PCDH9: variants seen among roughly 807,000 people sequenced by gnomAD.
PCDH9 encodes the protein protocadherin-9.
Under a neutral mutation model 70.6 loss-of-function variants are expected in PCDH9, and 24 were observed. That is an observed-to-expected ratio of 0.34 (90% CI 0.25 to 0.48). The LOEUF (loss-of-function observed/expected upper bound fraction) is 0.48, where lower values mean the gene tolerates loss of function less well. Ranked by LOEUF, PCDH9 falls within the 20% of genes least tolerant of loss-of-function variation. PCDH9 has a pLI of 0.99. For synonymous variants in PCDH9, 562 were observed against 558.5 expected, an observed-to-expected ratio of 1.01 and a Z score of -0.09; for missense variants, 1,281 against 1,503.6, an observed-to-expected ratio of 0.85 and a Z score of 2.45.
At chr13:66,312,185 G>T (rs1342184166) in intron 4 of PCDH9, among the ~76,000 whole-genome samples, 2 of 152,064 alleles carry the variant, frequency 1.3e-5, no homozygotes. Context: ...AAATTGAGAG[G>T]ATAAAAAGGC....
intron 4 of PCDH9, among the ~76,000 whole-genome samples, chr13:66,536,132 C>T (rs1190101930): frequency 5.3e-5 from 8 of 151,978 alleles, no homozygotes; most frequent in Non-Finnish European, 8.8e-5. Context: ...ATTAATATCT[C>T]AATTGATTAT....
intron 4 of PCDH9, among the ~76,000 whole-genome samples, chr13:66,508,261 G>A (rs975481210): frequency 1.3e-5 from 2 of 152,148 alleles, no homozygotes; most frequent in African/African-American, 2.4e-5. Flanking sequence ...TAGGGGAGGA[G>A]GGAATGGGGA....
rs181377077 is a variant in PCDH9, at chr13:66,305,066, T to A, written c.3341-38A>T. 455 of 1,525,002 alleles carry A rather than the reference T, an allele frequency of 3.0e-4. 1 individual carries two copies. Among genetic ancestry groups the A allele is most frequent in the Middle Eastern group, 1.5e-3 (7 of 4,566 alleles). The allele number at this position is 1,525,002 out of a possible 1,614,324, so 94.5% of individuals were successfully genotyped here. A position where few individuals can be genotyped will look rare whatever the true frequency, so the allele number is the denominator to read the frequency against. On this transcript the variant is annotated intron_variant, in intron 4 of 4. Coordinates refer to ENST00000377865, the MANE Select transcript of PCDH9 (RefSeq NM_203487.3). ...AGAGAGAGAAAATAAGAAAAGGAAG[T>A]GGTTAAAATTTTCAATTAGAATTAT...
intron 3 of PCDH9, among the ~76,000 whole-genome samples, chr13:66,829,008 CTTT>C (rs565296411): frequency 1.3e-5 from 2 of 151,662 alleles, no homozygotes; most frequent in African/African-American, 4.8e-5. Flanking sequence ...TTCTGTGGGT[CTTT>C]TTTTGTTTTT....
At chr13:66,507,897 A>G (rs1183010411) in intron 4 of PCDH9, among the ~76,000 whole-genome samples, 1 of 151,746 alleles carries the variant, frequency 6.6e-6, no homozygotes, top group Non-Finnish European at 1.5e-5. Context: ...AATTTTTTGT[A>G]TTTTTAGTAG....
chr13:66,973,757 C>T (rs2083565858), intron 2 of PCDH9, among the ~76,000 whole-genome samples: 3 of 151,920 alleles, frequency 2.0e-5, no homozygotes, highest in South Asian at 4.1e-4. Context: ...TTTTGTATTA[C>T]TTCTTATTGG....
At chr13:66,507,711 T>C (rs926698696) in intron 4 of PCDH9, among the ~76,000 whole-genome samples, 55 of 149,064 alleles carry the variant, frequency 3.7e-4, no homozygotes, top group African/African-American at 1.2e-3. Flanking sequence ...TGTTTGTTTG[T>C]TTGTTTGTTT....
At chr13:66,797,682 A>G (rs2080265380) in intron 3 of PCDH9, among the ~76,000 whole-genome samples, 1 of 152,204 alleles carries the variant, frequency 6.6e-6, no homozygotes, top group Admixed American at 6.6e-5. Context: ...TTTCATTTGT[A>G]CATAATATAA....
chr13:66,348,675 A>ATTTTT (rs59340641), intron 4 of PCDH9, among the ~76,000 whole-genome samples: 9 of 136,102 alleles, frequency 6.6e-5, no homozygotes, highest in East Asian at 2.2e-4. Context: ...GCTATTTGCC[A>ATTTTT]TTTTTTTTTT....
intron 3 of PCDH9, among the ~76,000 whole-genome samples, chr13:66,737,322 C>T (rs921314736): frequency 6.6e-6 from 1 of 152,144 alleles, no homozygotes; most frequent in African/African-American, 2.4e-5. Flanking sequence ...AGTTTTTCAG[C>T]CCTTAGCAAT....
At chr13:66,999,169 C>A (rs1042126706) in intron 2 of PCDH9, among the ~76,000 whole-genome samples, 16 of 152,158 alleles carry the variant, frequency 1.1e-4, no homozygotes, top group Non-Finnish European at 8.8e-5. Context: ...TCCTCAGTCT[C>A]ACAAACACAC....
At chr13:66,419,687 C>T (rs1365007257) in intron 4 of PCDH9, among the ~76,000 whole-genome samples, 2 of 151,984 alleles carry the variant, frequency 1.3e-5, no homozygotes, top group African/African-American at 4.8e-5. Context: ...CCGGTGCCTA[C>T]ATCACCAGGG....
chr13:67,159,027 A>T (rs2087884497), intron 2 of PCDH9, among the ~76,000 whole-genome samples: 2 of 152,216 alleles, frequency 1.3e-5, no homozygotes, highest in South Asian at 4.1e-4. Context: ...ACCCAGTGTC[A>T]CTATCTTTAA....
intron 3 of PCDH9, among the ~76,000 whole-genome samples, chr13:66,752,948 T>C (rs985865291): frequency 1.3e-5 from 2 of 152,172 alleles, no homozygotes; most frequent in Non-Finnish European, 2.9e-5. Flanking sequence ...TTTTAATGTG[T>C]TGTTGAGACA....
intron 2 of PCDH9, among the ~76,000 whole-genome samples, chr13:67,101,008 A>G (rs972249683): frequency 4.6e-5 from 7 of 152,168 alleles, no homozygotes; most frequent in African/African-American, 1.7e-4. Flanking sequence ...CACCTGCCTA[A>G]CCATGACCAC....
At chr13:66,587,272 TG>T in intron 4 of PCDH9, among the ~76,000 whole-genome samples, 1 of 152,140 alleles carries the variant, frequency 6.6e-6, no homozygotes, top group East Asian at 1.9e-4. Context: ...TACTCCACTG[TG>T]GGAAACAGAG....
intron 4 of PCDH9, among the ~76,000 whole-genome samples, chr13:66,525,639 T>A (rs1464530449): frequency 6.6e-6 from 1 of 152,154 alleles, no homozygotes; most frequent in Non-Finnish European, 1.5e-5. Context: ...CCAAATTTCT[T>A]TAAAACATTT....
intron 2 of PCDH9, among the ~76,000 whole-genome samples, chr13:66,973,206 C>T (rs2083555177): frequency 6.6e-6 from 1 of 151,946 alleles, no homozygotes; most frequent in Admixed American, 6.6e-5. Context: ...TGTCCTTGGT[C>T]CAAATTTTCA....
chr13:66,781,744 G>A (rs1364035853), intron 3 of PCDH9, among the ~76,000 whole-genome samples: 1 of 152,106 alleles, frequency 6.6e-6, no homozygotes, highest in Non-Finnish European at 1.5e-5. Context: ...GATGCTTCAA[G>A]TGTCATCCAA....
Sources: gnomAD v4.1 joint callset for allele counts (sites outside exome capture counted in the v4.1 genomes callset) on GRCh38, gnomAD v4.1.1 for gene constraint, MANE v1.5 for transcripts, NCBI Gene and HGNC (gene_info 2026-07-23, HGNC 2026-07-21) for gene names.